The following GMDS variants were observed in gnomAD, a reference collection of about 807,000 sequenced individuals.
The protein encoded by GMDS is GDP-mannose 4,6-dehydratase.
In GMDS, 20 loss-of-function variants were observed where a neutral mutation model predicts 49.9. The observed-to-expected ratio is 0.40, with a 90% CI of 0.28 to 0.58. The LOEUF is 0.58. Among genes scored for constraint, GMDS ranks in the 20% least tolerant of loss-of-function variants. The pLI is 0.42. For missense variants in GMDS, 362 were observed against 481.4 expected, an observed-to-expected ratio of 0.75 and a Z score of 2.32; for synonymous variants, 177 against 178.6, an observed-to-expected ratio of 0.99 and a Z score of 0.07.
chr6:2,105,063 T>C (rs1372728578), intron 4 of GMDS, among the ~76,000 whole-genome samples: 1 of 151,048 alleles, frequency 6.6e-6, no homozygotes, highest in Non-Finnish European at 1.5e-5. Context: ...GCACCTGTAG[T>C]CCCAGCGACT....
Position 1,652,393 on chromosome 6 carries a change from T to A in GMDS, c.988-27853A>T, listed in dbSNP as rs867446217. Among the ~76,000 whole-genome samples, 35 of 4,330 alleles carry A rather than the reference T, an allele frequency of 8.1e-3. 3 individuals are homozygous for A. Among genetic ancestry groups the A allele is most frequent in the African/African-American group, 0.019 (33 of 1,756 alleles). 2.8% of individuals were successfully genotyped at this position (4,330 alleles called of 152,430 possible). On this transcript the variant is annotated intron_variant, in intron 9 of 10. Transcript: ENST00000380815. ...GCTAAAAAAAAAAATATATATATAT[T>A]ATATATATATATATATTATATATAA...
chr6:1,752,578 T>TAATC (rs1767777051), intron 7 of GMDS, among the ~76,000 whole-genome samples: 1 of 152,076 alleles, frequency 6.6e-6, no homozygotes, highest in African/African-American at 2.4e-5. Flanking sequence ...CCAAGATACA[T>TAATC]AATCGTCAGA....
chr6:2,001,288 T>G (rs1205293995), intron 4 of GMDS, among the ~76,000 whole-genome samples: 1 of 152,190 alleles, frequency 6.6e-6, no homozygotes, highest in Admixed American at 6.5e-5. Flanking sequence ...TTTGTAAATC[T>G]TTTTTGGAGA....
rs73409335 is a variant in GMDS at position 1,792,818 on chromosome 6, G to T, written c.772-50232C>A. Among the ~76,000 whole-genome samples the T allele has an allele frequency of 3.7e-3, 569 of 152,148 alleles. 3 individuals are homozygous for T. Among genetic ancestry groups the T allele is most frequent in the African/African-American group, 0.013 (539 of 41,492 alleles). On this transcript the variant is annotated intron_variant, in intron 7 of 10. Transcript: ENST00000380815. ...CATGTGTCTGAAATCTGTACTTCTG[G>T]AAGTTTTATGATCTTCTTTTTAACT...
At chr6:2,014,336 T>C (rs1418118827) in intron 4 of GMDS, among the ~76,000 whole-genome samples, 2 of 152,052 alleles carry the variant, frequency 1.3e-5, no homozygotes, top group East Asian at 3.9e-4. Flanking sequence ...TGATTTAATA[T>C]ATAACTGTTC....
At chr6:2,134,565 G>C (rs941678107) in intron 1 of GMDS, among the ~76,000 whole-genome samples, 3 of 152,216 alleles carry the variant, frequency 2.0e-5, no homozygotes, top group African/African-American at 4.8e-5. Flanking sequence ...CTTCAGTGTA[G>C]AAGCTGAAAA....
At chr6:2,102,632 G>A (rs1773989731) in intron 4 of GMDS, among the ~76,000 whole-genome samples, 1 of 152,258 alleles carries the variant, frequency 6.6e-6, no homozygotes, top group South Asian at 2.1e-4. Flanking sequence ...GGGGCTAAAA[G>A]TGTAAAAGAA....
chr6:1,971,730 C>T (rs1054819812), intron 4 of GMDS, among the ~76,000 whole-genome samples: 4 of 152,198 alleles, frequency 2.6e-5, no homozygotes, highest in African/African-American at 9.6e-5. Flanking sequence ...TTCCATCTCT[C>T]ACCCCTACTG....
chr6:2,133,382 C>T (rs1000100581), intron 1 of GMDS, among the ~76,000 whole-genome samples: 1 of 152,164 alleles, frequency 6.6e-6, no homozygotes, highest in African/African-American at 2.4e-5. Flanking sequence ...CAAAAGGATA[C>T]ATAAATACTG....
rs79274965 is a variant in GMDS, at chr6:1,778,555, C to T, written c.772-35969G>A. Among the ~76,000 whole-genome samples, 621 of 152,286 alleles carry T rather than the reference C, an allele frequency of 4.1e-3. 1 individual carries two copies. Among genetic ancestry groups the T allele is most frequent in the African/African-American group, 0.014 (586 of 41,556 alleles). ...ATCTAAAATAGGTTAGTTTGTAAAACATGCCATAAAACAGAAATTTAGCCC... is the reference window on the plus strand; with the variant it reads ...ATCTAAAATAGGTTAGTTTGTAAAATATGCCATAAAACAGAAATTTAGCCC... On this transcript the variant is annotated intron_variant, in intron 7 of 10. Coordinates refer to ENST00000380815, the MANE Select transcript of GMDS (RefSeq NM_001500.4). This position sits in a 1 kb window ranked among gnomAD's most constrained non-coding sequence, Gnocchi z 4.6.
intron 1 of GMDS, among the ~76,000 whole-genome samples, chr6:2,170,685 C>T (rs1360096757): frequency 6.6e-6 from 1 of 151,848 alleles, no homozygotes; most frequent in African/African-American, 2.4e-5. Context: ...ATTTGGTTAC[C>T]TTTTTTAGAA....
chr6:2,071,946 G>A (rs1272720704), intron 4 of GMDS, among the ~76,000 whole-genome samples: 4 of 152,128 alleles, frequency 2.6e-5, no homozygotes, highest in African/African-American at 7.2e-5. Flanking sequence ...TTAAAGCAAC[G>A]AAGGGGGGAA....
chr6:1,696,422 TGCTAATTTTG>T (rs1056071111), intron 9 of GMDS, among the ~76,000 whole-genome samples: 64 of 152,380 alleles, frequency 4.2e-4, no homozygotes, highest in African/African-American at 1.4e-3. Context: ...TTCTGTTCAC[TGCTAATTTTG>T]GCTACTTTAG....
chr6:1,844,637 G>GAA (rs143672128), intron 7 of GMDS, among the ~76,000 whole-genome samples: 1 of 150,678 alleles, frequency 6.6e-6, no homozygotes, highest in East Asian at 1.9e-4. Flanking sequence ...CTGGATCTGA[G>GAA]AAAAAAAAAC....
chr6:2,115,907 G>C (rs1774822198), intron 3 of GMDS, 27 bp from the exon 4 acceptor site: 2 of 1,250,516 alleles, frequency 1.6e-6, no homozygotes, highest in East Asian at 2.3e-5. Flanking sequence ...CATCCCATTA[G>C]ATAGAGAAAA....
In GMDS at chr6:2,172,502, C is replaced by A. The variant is rs184925685; in HGVS notation, c.103-47771G>T. The stretch of plus-strand genomic sequence containing the variant: ...GGTCAGGAGTTCAAAACCAGCCTTG[C>A]CAAGATAGTGAAACCCCATCTCTAC... On this transcript the variant is annotated intron_variant, in intron 1 of 10. Coordinates refer to ENST00000380815, the MANE Select transcript of GMDS (RefSeq NM_001500.4). Among the ~76,000 whole-genome samples, 100 of 152,190 alleles carry A rather than the reference C, an allele frequency of 6.6e-4. 2 individuals carry two copies. In the East Asian group the frequency reaches 0.017, roughly 26 times the overall value.
At chr6:1,681,229 C>T (rs546255415) in intron 9 of GMDS, among the ~76,000 whole-genome samples, 18 of 152,100 alleles carry the variant, frequency 1.2e-4, no homozygotes, top group African/African-American at 4.3e-4. Context: ...TGTCTACACA[C>T]CTGCCTCCTC....
At chr6:1,871,217 C>T (rs988921250) in intron 7 of GMDS, among the ~76,000 whole-genome samples, 2 of 152,168 alleles carry the variant, frequency 1.3e-5, no homozygotes, top group South Asian at 4.1e-4. Flanking sequence ...CTGTTTGTGA[C>T]TTCTCGGCCT....
intron 4 of GMDS, among the ~76,000 whole-genome samples, chr6:2,002,380 GAGACTGAA>G (rs1766878912): frequency 6.6e-6 from 1 of 152,222 alleles, no homozygotes; most frequent in African/African-American, 2.4e-5. Context: ...GATATAGTTA[GAGACTGAA>G]TTATAAATGT....
Sources: allele counts gnomAD v4.1 joint callset (sites outside exome capture counted in the v4.1 genomes callset), GRCh38; gene constraint gnomAD v4.1.1; non-coding constraint Gnocchi (gnomAD v3.1); transcripts MANE v1.5; gene names NCBI Gene and HGNC (gene_info 2026-07-23, HGNC 2026-07-21).